The following TMEM232 variants were observed in gnomAD, a reference collection of about 807,000 sequenced individuals.
TMEM232 encodes transmembrane protein 232.
In TMEM232, 80 loss-of-function variants were observed where a neutral mutation model predicts 78.8. The observed-to-expected ratio is 1.01, with a 90% CI of 0.85 to 1.22. The LOEUF is 1.22. Among genes scored for constraint, TMEM232 ranks in the 50% most tolerant of loss-of-function variants. The pLI is 0.00. For synonymous variants in TMEM232, 297 were observed against 254.3 expected, an observed-to-expected ratio of 1.17 and a Z score of -1.60; for missense variants, 881 against 742.2, an observed-to-expected ratio of 1.19 and a Z score of -2.17.
chr5:110,675,355 T>C (rs1250411020), intron 1 of TMEM232, among the ~76,000 whole-genome samples: 5 of 152,322 alleles, frequency 3.3e-5, no homozygotes, highest in African/African-American at 1.2e-4. Flanking sequence ...TTAAAAATTC[T>C]TACAAGTAAG....
intron 7 of TMEM232, among the ~76,000 whole-genome samples, chr5:110,621,531 T>C (rs1783747388): frequency 6.6e-6 from 1 of 152,208 alleles, no homozygotes; most frequent in Non-Finnish European, 1.5e-5. Flanking sequence ...TTTCAGTAAT[T>C]TGTCGTCATT....
intron 11 of TMEM232, among the ~76,000 whole-genome samples, chr5:110,540,005 C>T (rs1340274562): frequency 1.3e-5 from 2 of 152,114 alleles, no homozygotes; most frequent in Non-Finnish European, 2.9e-5. Flanking sequence ...AGTAAAGCCC[C>T]TGTATGAAGC....
chr5:110,522,982 G>A (rs946412210), intron 12 of TMEM232, among the ~76,000 whole-genome samples: 1 of 152,124 alleles, frequency 6.6e-6, no homozygotes, highest in Non-Finnish European at 1.5e-5. Flanking sequence ...AGAAATGTTG[G>A]CTTTAATTGT....
intron 12 of TMEM232, among the ~76,000 whole-genome samples, chr5:110,456,551 C>G (rs1760923778): frequency 6.6e-6 from 1 of 151,980 alleles, no homozygotes. Flanking sequence ...GATTATAGAA[C>G]TTGCTTGGAG....
At chr5:110,460,319 G>A (rs1006863231) in intron 12 of TMEM232, among the ~76,000 whole-genome samples, 11 of 151,928 alleles carry the variant, frequency 7.2e-5, no homozygotes, top group Non-Finnish European at 1.0e-4. Context: ...GTGTATGTGT[G>A]TGTAGATGGA....
At chr5:110,738,319 G>GA (rs1164300269), upstream of TMEM232, 1 of 1,164,010 alleles carries the variant, frequency 8.6e-7, no homozygotes, top group African/African-American at 1.6e-5. Context: ...CGATATAACT[G>GA]GGATTTCAAT....
In TMEM232 at chr5:110,469,985, A is replaced by G. The variant is rs570594170; in HGVS notation, c.1704-45069T>C. Reference sequence around the variant, plus strand: ...ACTGTGATGCTCCCTGCCCCCCCGGAACCCCAGCAACAGCCATACTCTACC... The same window carrying G: ...ACTGTGATGCTCCCTGCCCCCCCGGGACCCCAGCAACAGCCATACTCTACC... On this transcript the variant is annotated intron_variant, in intron 12 of 13. Transcript: ENST00000455884. Among the ~76,000 whole-genome samples, 8 of 152,198 alleles carry G rather than the reference A, an allele frequency of 5.3e-5. No individual in the cohort carries two copies. In the South Asian group the frequency reaches 1.7e-3, roughly 32 times the overall value.
intron 12 of TMEM232, among the ~76,000 whole-genome samples, chr5:110,485,566 T>G (rs898947683): frequency 6.6e-6 from 1 of 152,162 alleles, no homozygotes; most frequent in African/African-American, 2.4e-5. Flanking sequence ...ATGTTTGCTT[T>G]TTACATTCCT....
intron 12 of TMEM232, among the ~76,000 whole-genome samples, chr5:110,427,942 G>C (rs956205945): frequency 6.6e-6 from 1 of 151,808 alleles, no homozygotes; most frequent in African/African-American, 2.4e-5. Flanking sequence ...TCACATCATA[G>C]AGAATGGGTT....
intron 1 of TMEM232, among the ~76,000 whole-genome samples, chr5:110,669,425 A>C (rs1791066887): frequency 6.6e-6 from 1 of 152,166 alleles, no homozygotes; most frequent in African/African-American, 2.4e-5. Context: ...CCAAGACTAA[A>C]CCAGGAAGAA....
At chr5:110,588,664 A>G (rs1053100116) in intron 10 of TMEM232, among the ~76,000 whole-genome samples, 43 of 152,140 alleles carry the variant, frequency 2.8e-4, no homozygotes, top group Admixed American at 9.8e-4. Context: ...GGTTTGGAAA[A>G]TATGGAAAGA....
At chr5:110,406,046 A>G (rs1580565237) in intron 2 of TMEM232, among the ~76,000 whole-genome samples, 1 of 151,980 alleles carries the variant, frequency 6.6e-6, no homozygotes, top group African/African-American at 2.4e-5. Context: ...CATTATATAC[A>G]AAGAAACAGC....
intron 2 of TMEM232, among the ~76,000 whole-genome samples, chr5:110,398,877 T>C (rs13362075): frequency 0.036 from 5,483 of 152,052 alleles, 352 homozygotes; most frequent in African/African-American, 0.13. Context: ...ATAAATAAGA[T>C]AGGGGGCAAG....
At chr5:110,404,731 A>G in intron 2 of TMEM232, among the ~76,000 whole-genome samples, 1 of 152,112 alleles carries the variant, frequency 6.6e-6, no homozygotes, top group East Asian at 1.9e-4. Flanking sequence ...TGTAGATATA[A>G]TAAAGCCTTG....
chr5:110,647,949 G>C (rs1787746155), intron 2 of TMEM232, among the ~76,000 whole-genome samples: 1 of 151,968 alleles, frequency 6.6e-6, no homozygotes, highest in South Asian at 2.1e-4. Context: ...ATTACTATAA[G>C]ACTGTGTCTT....
intron 12 of TMEM232, among the ~76,000 whole-genome samples, chr5:110,461,683 C>CA (rs1475129027): frequency 6.6e-6 from 1 of 152,154 alleles, no homozygotes; most frequent in Admixed American, 6.6e-5. Context: ...ACAGGCTGAC[C>CA]ATCTTAGGGG....
chr5:110,490,636 G>A (rs1327293202), intron 12 of TMEM232, among the ~76,000 whole-genome samples: 2 of 152,034 alleles, frequency 1.3e-5, no homozygotes, highest in African/African-American at 4.8e-5. Context: ...TAAGCATAGA[G>A]GCAGATCAAT....
chr5:110,419,186 A>G (rs1756418577), downstream of TMEM232, among the ~76,000 whole-genome samples: 1 of 151,776 alleles, frequency 6.6e-6, no homozygotes, highest in South Asian at 2.1e-4. Flanking sequence ...TTTCCTTTGC[A>G]CAAGGGAAGA....
At chr5:110,632,030 G>C (rs1016100689) in intron 5 of TMEM232, among the ~76,000 whole-genome samples, 6 of 151,812 alleles carry the variant, frequency 4.0e-5, no homozygotes, top group Non-Finnish European at 8.8e-5. Flanking sequence ...GCCACCACTG[G>C]GGACCAAAGA....
Sources: gnomAD v4.1 joint callset for allele counts (sites outside exome capture counted in the v4.1 genomes callset) on GRCh38, gnomAD v4.1.1 for gene constraint, MANE v1.5 for transcripts, NCBI Gene and HGNC (gene_info 2026-07-23, HGNC 2026-07-21) for gene names.